SGCZ: variants seen among roughly 807,000 people sequenced by gnomAD.
SGCZ encodes zeta-sarcoglycan.
In SGCZ, 40 loss-of-function variants were observed where a neutral mutation model predicts 41.3. The observed-to-expected ratio is 0.97, with a 90% confidence interval of 0.75 to 1.26. The LOEUF (loss-of-function observed/expected upper bound fraction) is 1.26. SGCZ is among the 50% of genes most tolerant of loss of function. The pLI, the probability that SGCZ is intolerant of heterozygous loss-of-function variation, is 0.00. For synonymous variants in SGCZ, 206 were observed against 137.5 expected (o/e 1.50, Z -3.49); for missense variants, 552 against 369.8 (o/e 1.49, Z -4.04).
chr8:14,424,899 T>C (rs1194186568), intron 2 of SGCZ, among the ~76,000 whole-genome samples: 2 of 152,214 alleles, frequency 1.3e-5, no homozygotes, highest in African/African-American at 2.4e-5. Context: ...TTAGTATTAA[T>C]ATGTATTATC....
At chr8:15,230,456 G>T (rs1285014478) in intron 1 of SGCZ, among the ~76,000 whole-genome samples, 3 of 152,112 alleles carry the variant, frequency 2.0e-5, no homozygotes, top group Admixed American at 2.0e-4. Context: ...TGATTTTTCT[G>T]AGTCTCCATT....
chr8:15,196,903 C>T (rs1022258601), intron 1 of SGCZ, among the ~76,000 whole-genome samples: 1 of 152,198 alleles, frequency 6.6e-6, no homozygotes, highest in Non-Finnish European at 1.5e-5. Flanking sequence ...TGCTGGTTGG[C>T]AGCTGGAGCC....
At chr8:14,823,487 T>C (rs989957821) in intron 1 of SGCZ, among the ~76,000 whole-genome samples, 2 of 152,142 alleles carry the variant, frequency 1.3e-5, no homozygotes, top group Non-Finnish European at 2.9e-5. Flanking sequence ...ATGCTCAACA[T>C]TTCTAATCGT....
intron 1 of SGCZ, among the ~76,000 whole-genome samples, chr8:14,637,700 A>G (rs952997173): frequency 1.3e-5 from 2 of 151,644 alleles, no homozygotes; most frequent in Non-Finnish European, 2.9e-5. Flanking sequence ...CATATACCAC[A>G]TTTTCTTTAT....
At chr8:15,135,524 T>C (rs1808068954) in intron 1 of SGCZ, among the ~76,000 whole-genome samples, 1 of 152,250 alleles carries the variant, frequency 6.6e-6, no homozygotes, top group African/African-American at 2.4e-5. Flanking sequence ...TGCTGTTTTC[T>C]ACATATTTAC....
At chr8:14,977,683 C>T (rs1310917960) in intron 1 of SGCZ, among the ~76,000 whole-genome samples, 1 of 151,948 alleles carries the variant, frequency 6.6e-6, no homozygotes, top group Non-Finnish European at 1.5e-5. Flanking sequence ...AAGAAAAGCC[C>T]AAAGTTTTGA....
intron 2 of SGCZ, among the ~76,000 whole-genome samples, chr8:14,328,940 G>A (rs1036710987): frequency 3.9e-5 from 6 of 152,150 alleles, no homozygotes; most frequent in African/African-American, 1.4e-4. Context: ...CTTCCCTCTG[G>A]AGGACACAGC....
At chr8:14,428,133 C>CAT (rs1317674347) in intron 2 of SGCZ, among the ~76,000 whole-genome samples, 57 of 12,552 alleles carry the variant, frequency 4.5e-3, no homozygotes, top group African/African-American at 0.017. Context: ...CACACACACA[C>CAT]ATATATATAT....
intron 1 of SGCZ, among the ~76,000 whole-genome samples, chr8:15,108,179 GCT>G (rs1806904524): frequency 6.6e-6 from 1 of 151,944 alleles, no homozygotes; most frequent in African/African-American, 2.4e-5. Context: ...TAATTTTGCT[GCT>G]CTTTTAATAA....
chr8:14,661,060 A>AT lies in SGCZ; in HGVS notation c.40-106135dup, dbSNP rs200999720. Among the ~76,000 whole-genome samples, 153 of 152,192 alleles carry AT rather than the reference A, an allele frequency of 1.0e-3. 1 individual carries two copies. The highest frequency in any genetic ancestry group is 3.6e-3 in the African/African-American group (148 of 41,540). ...TCCCAGAATCCCTCTGCCCAAAATT[A>AT]TTTTTTGCTAGATTGCCTGTTCCTT... is the stretch of plus-strand genomic sequence containing the variant. On this transcript the variant is annotated intron_variant, in intron 1 of 7. Coordinates refer to ENST00000382080, the MANE Select transcript of SGCZ (RefSeq NM_139167.4).
At chr8:14,188,032 G>T (rs1871098) in intron 4 of SGCZ, among the ~76,000 whole-genome samples, 114,864 of 151,938 alleles carry the variant, frequency 0.76, 44,510 homozygotes, top group African/African-American at 0.92. Context: ...TAGTAGGACA[G>T]CATATTCAAA....
chr8:14,174,682 C>G (rs1350200013), intron 4 of SGCZ, among the ~76,000 whole-genome samples: 1 of 152,082 alleles, frequency 6.6e-6, no homozygotes, highest in Non-Finnish European at 1.5e-5. Context: ...ATACTGACCT[C>G]TCAATATGAA....
chr8:14,616,176 G>C (rs538995341), intron 1 of SGCZ, among the ~76,000 whole-genome samples: 13 of 151,964 alleles, frequency 8.6e-5, no homozygotes, highest in African/African-American at 2.7e-4. Flanking sequence ...CCAGCTACTC[G>C]GGAGGCTGAG....
chr8:14,409,260 T>A (rs1377928464), intron 2 of SGCZ, among the ~76,000 whole-genome samples: 1 of 152,122 alleles, frequency 6.6e-6, no homozygotes, highest in African/African-American at 2.4e-5. Flanking sequence ...AGACAGTGAC[T>A]CTCAAATTAT....
intron 1 of SGCZ, among the ~76,000 whole-genome samples, chr8:14,704,829 G>A (rs1029929084): frequency 5.3e-5 from 8 of 151,890 alleles, no homozygotes; most frequent in Admixed American, 1.3e-4. Flanking sequence ...ACACTTCTTA[G>A]GGATAAACTA....
intron 1 of SGCZ, among the ~76,000 whole-genome samples, chr8:14,899,339 T>C (rs576268405): frequency 2.0e-5 from 3 of 152,308 alleles, no homozygotes; most frequent in South Asian, 2.1e-4. Flanking sequence ...CCAATATTTG[T>C]ACAACAACTG....
intron 1 of SGCZ, among the ~76,000 whole-genome samples, chr8:14,706,698 C>T (rs982667801): frequency 9.9e-5 from 15 of 151,960 alleles, no homozygotes; most frequent in African/African-American, 2.7e-4. Context: ...CACACTGATG[C>T]GTTAAAATGA....
chr8:15,228,816 G>A (rs1027248725), intron 1 of SGCZ, among the ~76,000 whole-genome samples: 9 of 152,136 alleles, frequency 5.9e-5, no homozygotes, highest in Non-Finnish European at 1.0e-4. Flanking sequence ...CACAACTATC[G>A]TAGACAAATG....
At chr8:14,314,269 T>C (rs1333060068) in intron 3 of SGCZ, among the ~76,000 whole-genome samples, 1 of 148,268 alleles carries the variant, frequency 6.7e-6, no homozygotes, top group African/African-American at 2.5e-5. Context: ...TTAATGAGGG[T>C]CTTCTATCAT....
Sources: gnomAD v4.1 joint callset for allele counts (sites outside exome capture counted in the v4.1 genomes callset) on GRCh38, gnomAD v4.1.1 for gene constraint, MANE v1.5 for transcripts, NCBI Gene and HGNC (gene_info 2026-07-23, HGNC 2026-07-21) for gene names.